The following MRPL1 variants were observed in gnomAD, a reference collection of about 807,000 sequenced individuals.
MRPL1 encodes large ribosomal subunit protein uL1m.
Under a neutral mutation model 38.0 loss-of-function variants are expected in MRPL1, and 28 were observed. The ratio of observed to expected loss-of-function variants is 0.74; its 90% CI spans 0.55 to 1.01. MRPL1 has a LOEUF of 1.01. Among genes scored for constraint, MRPL1 ranks in the 50% least tolerant of loss-of-function variants. The probability of loss-of-function intolerance (pLI) is 0.00; values close to 1 mark genes in which losing one functional copy is unlikely to be tolerated. For synonymous variants in MRPL1, 123 were observed against 126.7 expected (o/e 0.97, Z 0.20); for missense variants, 358 against 389.8 (o/e 0.92, Z 0.69).
chr4:77,934,401 A>G (rs1025595870), intron 7 of MRPL1, among the ~76,000 whole-genome samples: 7 of 152,338 alleles, frequency 4.6e-5, no homozygotes, highest in South Asian at 4.1e-4. Context: ...GCCTAAATAC[A>G]TATCTCTCCA....
chr4:77,868,090 TCTCA>T (rs1358490932), intron 1 of MRPL1, among the ~76,000 whole-genome samples: 1 of 150,910 alleles, frequency 6.6e-6, no homozygotes, highest in Non-Finnish European at 1.5e-5. Context: ...TGAGATGGAG[TCTCA>T]CTCTGTTGCC....
At chr4:77,943,588 CT>C (rs1396813455) in intron 7 of MRPL1, among the ~76,000 whole-genome samples, 2 of 151,936 alleles carry the variant, frequency 1.3e-5, no homozygotes, top group East Asian at 3.9e-4. Flanking sequence ...TCTTTTCTTT[CT>C]CTGTAGATTG....
Position 77,909,383 on chromosome 4 carries a change from A to G in MRPL1, c.777+11A>G, listed in dbSNP as rs773547094. On this transcript the variant is annotated intron_variant, in intron 7 of 8. Coordinates refer to ENST00000315567, the MANE Select transcript of MRPL1 (RefSeq NM_020236.4). ...ACCAAAATAGCAACAGTAAGTTACA[A>G]TGAAAATTATCAAATAATCCTCTTT... 5.7e-6 allele frequency: 8 copies of G among 1,404,678 alleles called. No individual in the cohort carries two copies. Among genetic ancestry groups the G allele is most frequent in the South Asian group, 4.9e-5 (4 of 82,102 alleles). 87.0% of individuals were successfully genotyped at this position (1,404,678 alleles called of 1,614,324 possible). A position where few individuals can be genotyped will look rare whatever the true frequency, so the allele number is the denominator to read the frequency against.
intron 7 of MRPL1, among the ~76,000 whole-genome samples, chr4:77,917,246 C>T (rs1275437666): frequency 6.6e-6 from 1 of 152,116 alleles, no homozygotes; most frequent in Non-Finnish European, 1.5e-5. Flanking sequence ...TTACCATAGA[C>T]CGTTTCTGAC....
intron 7 of MRPL1, among the ~76,000 whole-genome samples, chr4:77,946,068 G>T (rs1737257610): frequency 6.6e-6 from 1 of 152,150 alleles, no homozygotes; most frequent in Non-Finnish European, 1.5e-5. Flanking sequence ...TGAGGGTGCT[G>T]CAGGAGACCA....
chr4:77,925,275 GAT>G (rs1353730051), intron 7 of MRPL1, among the ~76,000 whole-genome samples: 4 of 151,578 alleles, frequency 2.6e-5, no homozygotes, highest in Middle Eastern at 7.0e-3. Context: ...TATATAATTA[GAT>G]ATATATGTGT....
At chr4:77,913,231 G>A (rs548801166) in intron 7 of MRPL1, among the ~76,000 whole-genome samples, 32 of 152,096 alleles carry the variant, frequency 2.1e-4, no homozygotes, top group Middle Eastern at 3.4e-3. Context: ...AGAAAGAAAA[G>A]ACAAATTACA....
chr4:77,867,910 C>T (rs1735186336), intron 1 of MRPL1, among the ~76,000 whole-genome samples: 1 of 151,854 alleles, frequency 6.6e-6, no homozygotes, highest in African/African-American at 2.4e-5. Flanking sequence ...GCGCCCGCCA[C>T]CATGCCTGGC....
At chr4:77,877,574 T>G in intron 2 of MRPL1, among the ~76,000 whole-genome samples, 1 of 149,124 alleles carries the variant, frequency 6.7e-6, no homozygotes, top group Non-Finnish European at 1.5e-5. Flanking sequence ...TTCCTGGTGA[T>G]GGGTGTTGGG....
chr4:77,912,964 A>C (rs978212419), intron 7 of MRPL1, among the ~76,000 whole-genome samples: 6 of 152,172 alleles, frequency 3.9e-5, no homozygotes, highest in African/African-American at 1.2e-4. Context: ...TCTTTCAACA[A>C]ACAGTACTGG....
chr4:77,876,179 G>A (rs57868780), intron 2 of MRPL1, among the ~76,000 whole-genome samples: 21,340 of 151,918 alleles, frequency 0.14, 1,723 homozygotes, highest in South Asian at 0.2. Context: ...CACCATGTTG[G>A]CCAGGCTGGT....
intron 4 of MRPL1, among the ~76,000 whole-genome samples, chr4:77,886,130 C>T (rs947778480): frequency 1.3e-5 from 2 of 152,052 alleles, no homozygotes; most frequent in Admixed American, 6.6e-5. Flanking sequence ...TATAATGGTT[C>T]TGAATGTAAT....
intron 7 of MRPL1, among the ~76,000 whole-genome samples, chr4:77,921,572 G>A (rs1372028894): frequency 6.6e-6 from 1 of 152,008 alleles, no homozygotes; most frequent in African/African-American, 2.4e-5. Context: ...ATTTCTTCTG[G>A]GTGTTAGAAA....
At chr4:77,884,244 C>CAA (rs369596317) in intron 3 of MRPL1, among the ~76,000 whole-genome samples, 20 of 89,096 alleles carry the variant, frequency 2.2e-4, no homozygotes, top group African/African-American at 3.9e-4. Context: ...GACTCCATCT[C>CAA]AAAAAAAAAA....
At chr4:77,926,627 G>A (rs1289780645) in intron 7 of MRPL1, among the ~76,000 whole-genome samples, 2 of 43,064 alleles carry the variant, frequency 4.6e-5, no homozygotes, top group African/African-American at 1.3e-4. Context: ...TTTTTTTTTT[G>A]AGACAGAGTC....
At chr4:77,898,035 A>G (rs958333917) in intron 6 of MRPL1, among the ~76,000 whole-genome samples, 8 of 152,028 alleles carry the variant, frequency 5.3e-5, no homozygotes, top group African/African-American at 1.7e-4. Flanking sequence ...TTCCTCATAC[A>G]CACTAAGCAC....
At chr4:77,883,671 G>A (rs569056065) in intron 3 of MRPL1, among the ~76,000 whole-genome samples, 171 bp downstream of exon 3, 7 of 152,098 alleles carry the variant, frequency 4.6e-5, no homozygotes, top group East Asian at 3.9e-4. Flanking sequence ...TCCACCTCCC[G>A]GGCTCAGGTG....
At chr4:77,902,732 AT>A (rs1334262560) in intron 6 of MRPL1, among the ~76,000 whole-genome samples, 1 of 152,226 alleles carries the variant, frequency 6.6e-6, no homozygotes, top group African/African-American at 2.4e-5. Context: ...ATATGAATAC[AT>A]TTATGCAAAT....
chr4:77,947,234 A>C (rs1737291263), intron 7 of MRPL1, among the ~76,000 whole-genome samples: 1 of 152,174 alleles, frequency 6.6e-6, no homozygotes, highest in South Asian at 2.1e-4. Flanking sequence ...CGACATAGTA[A>C]GGGTTGCTAA....
Sources: allele counts gnomAD v4.1 joint callset (sites outside exome capture counted in the v4.1 genomes callset), GRCh38; gene constraint gnomAD v4.1.1; transcripts MANE v1.5; gene names NCBI Gene and HGNC (gene_info 2026-07-23, HGNC 2026-07-21).